Variants in GAS2 observed in about 807,000 individuals in gnomAD.
GAS2 encodes the protein growth arrest specific 2, also known as growth arrest-specific protein 2.
A neutral mutation model predicts 37.5 loss-of-function variants in GAS2; 20 were observed. The observed-to-expected ratio is 0.53, with a 90% CI of 0.37 to 0.77. GAS2 has a LOEUF of 0.77. Ranked by LOEUF, GAS2 falls within the 30% of genes least tolerant of loss-of-function variation. The probability of loss-of-function intolerance (pLI) is 0.00; values close to 1 mark genes in which losing one functional copy is unlikely to be tolerated. For synonymous variants in GAS2, 144 were observed against 132.2 expected, an observed-to-expected ratio of 1.09 and a Z score of -0.61; for missense variants, 336 against 373.4, an observed-to-expected ratio of 0.90 and a Z score of 0.82.
intron 1 of GAS2, among the ~76,000 whole-genome samples, chr11:22,674,166 A>G (rs1019627297): frequency 2.0e-5 from 3 of 152,070 alleles, no homozygotes; most frequent in Non-Finnish European, 4.4e-5. Context: ...TAGTTCTGTC[A>G]TGACCTAGCT....
intron 7 of GAS2, among the ~76,000 whole-genome samples, chr11:22,809,823 C>A (rs1015232561): frequency 2.0e-5 from 3 of 152,032 alleles, no homozygotes; most frequent in African/African-American, 7.2e-5. Context: ...AATATTAGTT[C>A]TATGCGACAC....
intron 2 of GAS2, among the ~76,000 whole-genome samples, chr11:22,681,497 A>G (rs865826647): frequency 6.6e-6 from 1 of 152,208 alleles, no homozygotes; most frequent in South Asian, 2.1e-4. Context: ...CTCTAGATTA[A>G]TGTTCAAACC....
At chr11:22,675,175 A>C (rs1160188646) in intron 2 of GAS2, among the ~76,000 whole-genome samples, 161 bp downstream of exon 2, 2 of 152,224 alleles carry the variant, frequency 1.3e-5, no homozygotes, top group Admixed American at 6.5e-5. Context: ...TGGAAAATTT[A>C]AGTGAATTTC....
At chr11:22,699,358 G>A (rs1281640029) in intron 3 of GAS2, among the ~76,000 whole-genome samples, 2 of 152,078 alleles carry the variant, frequency 1.3e-5, no homozygotes, top group African/African-American at 4.8e-5. Flanking sequence ...AATGCCTTGT[G>A]GGGAATCAGG....
intron 7 of GAS2, among the ~76,000 whole-genome samples, chr11:22,797,199 T>A (rs1236571978): frequency 6.6e-6 from 1 of 152,042 alleles, no homozygotes; most frequent in Non-Finnish European, 1.5e-5. Context: ...CGTTAAGTGC[T>A]CCTACACATA....
chr11:22,711,114 A>G (rs1851382780), intron 3 of GAS2, among the ~76,000 whole-genome samples: 1 of 152,178 alleles, frequency 6.6e-6, no homozygotes, highest in African/African-American at 2.4e-5. Flanking sequence ...TTGCTTCTGC[A>G]AATGCCATTA....
intron 4 of GAS2, among the ~76,000 whole-genome samples, chr11:22,729,899 T>C (rs886380267): frequency 6.6e-6 from 1 of 151,862 alleles, no homozygotes; most frequent in African/African-American, 2.4e-5. Flanking sequence ...AAGGCAATTT[T>C]ATATCAAAGA....
chr11:22,695,449 G>A (rs892643628), intron 3 of GAS2, among the ~76,000 whole-genome samples: 5 of 152,090 alleles, frequency 3.3e-5, no homozygotes, highest in Admixed American at 6.6e-5. Flanking sequence ...CGGGTGTAGA[G>A]GAATCCACCA....
intron 7 of GAS2, among the ~76,000 whole-genome samples, chr11:22,767,911 C>A (rs1259867382): frequency 6.6e-6 from 1 of 152,036 alleles, no homozygotes; most frequent in Non-Finnish European, 1.5e-5. Flanking sequence ...GCTTGTCTTG[C>A]ATTTCCCTTT....
intron 1 of GAS2, among the ~76,000 whole-genome samples, chr11:22,634,091 A>C (rs1590551128): frequency 6.6e-6 from 1 of 152,228 alleles, no homozygotes; most frequent in East Asian, 1.9e-4. Context: ...GTTGATTCAC[A>C]GTTCCACGTG....
chr11:22,713,969 A>G (rs184846466), intron 3 of GAS2, among the ~76,000 whole-genome samples: 2 of 151,628 alleles, frequency 1.3e-5, no homozygotes, highest in Non-Finnish European at 1.5e-5. Flanking sequence ...ACACAATGAG[A>G]AAAAAAACAG....
intron 4 of GAS2, 137 bp from the exon 5 acceptor site, chr11:22,737,568 A>G: frequency 1.3e-6 from 1 of 754,752 alleles, no homozygotes. Context: ...GAGGTATGGG[A>G]TGGGTTCTAT....
intron 1 of GAS2, among the ~76,000 whole-genome samples, chr11:22,673,173 A>G (rs1849275039): frequency 6.6e-6 from 1 of 152,138 alleles, no homozygotes; most frequent in South Asian, 2.1e-4. Flanking sequence ...AGTCTTTTCT[A>G]TTACTACAGC....
At chr11:22,793,228 C>A (rs549861027) in intron 7 of GAS2, among the ~76,000 whole-genome samples, 1 of 151,948 alleles carries the variant, frequency 6.6e-6, no homozygotes, top group Non-Finnish European at 1.5e-5. Flanking sequence ...GAACTGAGAT[C>A]GTGCCACTGC....
chr11:22,730,532 C>A (rs1852420848), intron 4 of GAS2, among the ~76,000 whole-genome samples: 1 of 151,742 alleles, frequency 6.6e-6, no homozygotes, highest in African/African-American at 2.4e-5. Flanking sequence ...CCCTGCTGTT[C>A]AAACCATGTT....
chr11:22,727,903 A>G (rs971771216), intron 4 of GAS2, among the ~76,000 whole-genome samples: 1 of 152,046 alleles, frequency 6.6e-6, no homozygotes, highest in Non-Finnish European at 1.5e-5. Flanking sequence ...ACAATTAAAT[A>G]AAATTGCTTA....
intron 1 of GAS2, among the ~76,000 whole-genome samples, chr11:22,653,007 C>CTTTCTTTCTTTCTTTG (rs1848808596): frequency 1.5e-5 from 2 of 136,688 alleles, no homozygotes; most frequent in Admixed American, 1.5e-4. Context: ...TTCTTTCTTT[C>CTTTCTTTCTTTCTTTG]TTTCTTTCTT....
chr11:22,755,291 G>C (rs921676834), intron 6 of GAS2, among the ~76,000 whole-genome samples: 3 of 152,144 alleles, frequency 2.0e-5, no homozygotes, highest in Non-Finnish European at 4.4e-5. Context: ...GTGAGTTGCA[G>C]GGTAAATCTG....
At chr11:22,802,960 T>C (rs200955816) in intron 7 of GAS2, among the ~76,000 whole-genome samples, 11 of 152,140 alleles carry the variant, frequency 7.2e-5, no homozygotes, top group Admixed American at 2.0e-4. Context: ...CAGGCTATCT[T>C]ATGTAGCTTA....
Sources: gnomAD v4.1 joint callset for allele counts (sites outside exome capture counted in the v4.1 genomes callset) on GRCh38, gnomAD v4.1.1 for gene constraint, MANE v1.5 for transcripts, NCBI Gene and HGNC (gene_info 2026-07-23, HGNC 2026-07-21) for gene names.